PSG9: variants seen among roughly 807,000 people sequenced by gnomAD.
PSG9 encodes the protein pregnancy specific beta-1-glycoprotein 9.
PSG9 carries 49 observed loss-of-function variants against 41.9 expected under a neutral mutation model. The observed-to-expected ratio is 1.17, with a 90% CI of 0.93 to 1.48. PSG9 has a LOEUF of 1.48. Among genes scored for constraint, PSG9 ranks in the 40% most tolerant of loss-of-function variants. The pLI is 0.00. For missense variants in PSG9, 641 were observed against 520.3 expected, an observed-to-expected ratio of 1.23 and a Z score of -2.26; for synonymous variants, 263 against 196.8, an observed-to-expected ratio of 1.34 and a Z score of -2.82.
Position 43,258,212 on chromosome 19 carries a change from G to A in PSG9, c.1233C>T (p.Val411=). The A allele has an allele frequency of 5.0e-6, 8 of 1,592,784 alleles. No individual in the cohort carries two copies. Among genetic ancestry groups the A allele is most frequent in the Non-Finnish European group, 6.8e-6 (8 of 1,174,496 alleles). Reference sequence around the variant, plus strand: ...CTGGGATCCACTTACCAGAGACTTTGACTGTCATGGATTTGGAGATTTCCT... The same window carrying A: ...CTGGGATCCACTTACCAGAGACTTTAACTGTCATGGATTTGGAGATTTCCT... The part of the protein sequence containing the change: ...TGKEISKSMT[V]KVSGPCHGDL... The change falls in exon 5 of 6, where the codon GTC becomes GTT. Residue 411 remains valine, a synonymous_variant. Coordinates refer to ENST00000270077, the MANE Select transcript of PSG9 (RefSeq NM_002784.5).
chr19:43,259,416 T>C, intron 3 of PSG9: 1 of 513,586 alleles, frequency 1.9e-6, no homozygotes, highest in Non-Finnish European at 3.0e-6. Context: ...CAGCCCCTGG[T>C]ACCCCTCCCA....
intron 2 of PSG9, among the ~76,000 whole-genome samples, chr19:43,263,512 G>T (rs1185203481): frequency 6.6e-6 from 1 of 151,584 alleles, no homozygotes; most frequent in Non-Finnish European, 1.5e-5. Context: ...GATTTGGGAT[G>T]CTCAATTTGT....
intron 1 of PSG9, 115 bp downstream of exon 1, chr19:43,269,253 C>A: frequency 6.4e-7 from 1 of 1,553,266 alleles, no homozygotes; most frequent in Non-Finnish European, 8.8e-7. Context: ...ATCCACCCAC[C>A]TCAGCCTCCC....
rs188306646 is a variant in PSG9, at chr19:43,255,202, C to T, written c.1244-1556G>A. Among the ~76,000 whole-genome samples, 130 of 145,472 alleles carry T rather than the reference C, an allele frequency of 8.9e-4. 15 individuals carry two copies. Among genetic ancestry groups the T allele is most frequent in the African/African-American group, 3.3e-3 (128 of 38,218 alleles). ...TGAAAGTACTATAAATAATTGTATG[C>T]CAATAAATTGGATAACCTAGATGAA... On this transcript the variant is annotated intron_variant, in intron 5 of 5. Coordinates refer to ENST00000270077, the MANE Select transcript of PSG9 (RefSeq NM_002784.5).
chr19:43,259,147 A>C lies in PSG9; in HGVS notation c.710-12T>G. Reference sequence around the variant, plus strand: ...GATGGGCAGCTTCGCTGTGTGGATAACAGAGAGAAGATTGTCCTGTGTGGC... The same window carrying C: ...GATGGGCAGCTTCGCTGTGTGGATACCAGAGAGAAGATTGTCCTGTGTGGC... On this transcript the variant is annotated splice_polypyrimidine_tract_variant and intron_variant, in intron 3 of 5. Transcript: ENST00000270077. 6.3e-7 allele frequency: 1 copy of C among 1,588,810 alleles called. No homozygotes were observed. The highest frequency in any genetic ancestry group is 8.5e-7 in the Non-Finnish European group (1 of 1,173,248).
chr19:43,268,196 T>G lies in PSG9; in HGVS notation c.65-47A>C, dbSNP rs576284197. The G allele has an allele frequency of 3.0e-5, 46 of 1,535,764 alleles. No individual in the cohort carries two copies. The Middle Eastern group carries it at 5.3e-4, about 18-fold the overall frequency. On this transcript the variant is annotated intron_variant, in intron 1 of 5. Transcript: ENST00000270077. Reference sequence around the variant, plus strand: ...AGTTAATATTGAGACCTATGTATTGTGGTGAAAAGATGGGGCCCTGGGTCC... The same window carrying G: ...AGTTAATATTGAGACCTATGTATTGGGGTGAAAAGATGGGGCCCTGGGTCC...
Position 43,266,012 on chromosome 19 carries a change from G to C in PSG9, c.430+1772C>G, listed in dbSNP as rs561225408. On this transcript the variant is annotated intron_variant, in intron 2 of 5. Transcript: ENST00000270077. ...CCAGCCTAGTTAGAGGGAATGTCTG[G>C]GGAAGGCCTAGGGGTGGGGGAAGAA... 4.2e-3 allele frequency among the ~76,000 whole-genome samples: 637 copies of C among 151,984 alleles called. 5 individuals are homozygous for C. The highest frequency in any genetic ancestry group is 0.017 in the Middle Eastern group (5 of 294).
At position 43,262,284 on chromosome 19, in the gene PSG9, T is replaced by A; in HGVS notation, c.431-146A>T. 3 of 1,457,662 alleles carry A rather than the reference T, an allele frequency of 2.1e-6. No homozygotes were observed. The Admixed American group carries it at 6.9e-5, about 34-fold the overall frequency. The allele number at this position is 1,457,662 out of a possible 1,614,324, so 90.3% of individuals were successfully genotyped here. ...GCAGGTGTGTGTGTTACAAGACAGA[T>A]GCATGGCAATCTGAGAGCTCAGAGA... On this transcript the variant is annotated intron_variant, in intron 2 of 5. Coordinates refer to ENST00000270077, the MANE Select transcript of PSG9 (RefSeq NM_002784.5).
rs3180657 is a variant in PSG9 at position 43,258,110 on chromosome 19, G to T, written c.1243+92C>A. On this transcript the variant is annotated intron_variant, in intron 5 of 5. Transcript: ENST00000270077. ...ATTTGCTTGTGCCCATGGGACACAG[G>T]CTGGGAATAAAAATGTTTTCCTGAC... 1.2e-5 allele frequency: 19 copies of T among 1,590,284 alleles called. 1 individual carries two copies. In the East Asian group the frequency reaches 1.3e-4, roughly 11 times the overall value.
chr19:43,266,753 C>T (rs1353236514), intron 2 of PSG9, among the ~76,000 whole-genome samples: 1 of 152,096 alleles, frequency 6.6e-6, no homozygotes, highest in Non-Finnish European at 1.5e-5. Flanking sequence ...ACCCAGTAAG[C>T]CCTCACTTCT....
Position 43,259,119 on chromosome 19 carries a change from G to A in PSG9, c.726C>T (p.Pro242=), listed in dbSNP as rs1312249675. 1.9e-6 allele frequency: 3 copies of A among 1,590,492 alleles called. No homozygotes were observed. The highest frequency in any genetic ancestry group is 1.4e-5 in the African/African-American group (1 of 70,552). The change falls in exon 4 of 6, where the codon CCC becomes CCT. Residue 242 remains proline (P), a synonymous_variant. Coordinates refer to ENST00000270077, the MANE Select transcript of PSG9 (RefSeq NM_002784.5). ...GGTTTAAGTTGTTGATGGTGATGTA[G>A]GGGATGGGCAGCTTCGCTGTGTGGA... is the stretch of plus-strand genomic sequence containing the variant. ...TLNLLPKLPI[P]YITINNLNPR... is the part of the protein sequence containing the mutation.
At chr19:43,267,695 A>T in intron 2 of PSG9, 89 bp downstream of exon 2, 3 of 1,583,054 alleles carry the variant, frequency 1.9e-6, no homozygotes, top group Non-Finnish European at 2.6e-6. Flanking sequence ...AGAGTGACAC[A>T]GGCAGAGTCC....
intron 5 of PSG9, among the ~76,000 whole-genome samples, chr19:43,255,179 A>G (rs1968404637): frequency 6.9e-6 from 1 of 145,982 alleles, no homozygotes; most frequent in Non-Finnish European, 1.5e-5. Flanking sequence ...AATGATGATG[A>G]AAGTACTATA....
At chr19:43,256,082 C>T (rs1444062927) in intron 5 of PSG9, among the ~76,000 whole-genome samples, 1 of 146,736 alleles carries the variant, frequency 6.8e-6, no homozygotes, top group Non-Finnish European at 1.5e-5. Flanking sequence ...AGGACTCACA[C>T]TTCCTGATTT....
chr19:43,261,783 G>A, intron 3 of PSG9, 77 bp downstream of exon 3: 1 of 1,613,812 alleles, frequency 6.2e-7, no homozygotes, highest in East Asian at 2.2e-5. Flanking sequence ...GGACCTGAGA[G>A]GGACTGAGAG....
chr19:43,258,972 T>C lies in PSG9; in HGVS notation c.873A>G (p.Glu291=), dbSNP rs1231219077. The C allele has an allele frequency of 1.6e-5, 25 of 1,590,518 alleles. 1 individual carries two copies. The highest frequency in any genetic ancestry group is 2.1e-5 in the Non-Finnish European group (25 of 1,174,444). ...CACTGGGTAGAATGAGTATCCTGTT[T>C]TCAATGGGTCGCTTTACCCCGGGAC... ...PVSPGVKRPI[E]NRILILPSVT... Residue 291 remains glutamate (E), a synonymous_variant, in exon 4 of 6, where the codon GAA becomes GAG. Coordinates refer to ENST00000270077, the MANE Select transcript of PSG9 (RefSeq NM_002784.5).
chr19:43,266,501 T>C (rs2122123549), intron 2 of PSG9, among the ~76,000 whole-genome samples: 1 of 152,174 alleles, frequency 6.6e-6, no homozygotes, highest in Non-Finnish European at 1.5e-5. Flanking sequence ...GGTCCTCTCC[T>C]TGATCCTCTC....
rs372086086 is a variant in PSG9 at position 43,258,483 on chromosome 19, G to A, written c.989-27C>T. 138 of 1,536,410 alleles carry A rather than the reference G, an allele frequency of 9.0e-5. 13 individuals carry two copies. Among genetic ancestry groups the A allele is most frequent in the Admixed American group, 6.6e-4 (33 of 50,230 alleles). On this transcript the variant is annotated intron_variant, in intron 4 of 5. Transcript: ENST00000270077. ...TGGAGGAAAGAGAATAAAGCCACAC[G>A]TGATGTCATTCGAGGGAAGGGGATG... is the stretch of plus-strand genomic sequence containing the variant.
chr19:43,254,743 T>C (rs532353000), intron 5 of PSG9, among the ~76,000 whole-genome samples: 1 of 145,576 alleles, frequency 6.9e-6, no homozygotes, highest in African/African-American at 2.6e-5. Context: ...TGACAACCAT[T>C]AACTAGATTG....
Sources: allele counts gnomAD v4.1 joint callset (sites outside exome capture counted in the v4.1 genomes callset), GRCh38; gene constraint gnomAD v4.1.1; transcripts MANE v1.5; gene names NCBI Gene and HGNC (gene_info 2026-07-23, HGNC 2026-07-21).